Variants in SNTG1 observed in about 807,000 individuals in gnomAD.
SNTG1 encodes syntrophin gamma 1.
SNTG1 carries 39 observed loss-of-function variants against 74.7 expected under a neutral mutation model. That is an observed-to-expected ratio of 0.52 (90% CI 0.40 to 0.68). SNTG1 has a LOEUF of 0.68. SNTG1 is among the 30% of genes least tolerant of loss of function. The pLI, the probability that SNTG1 is intolerant of heterozygous loss-of-function variation, is 0.00. For synonymous variants in SNTG1, 254 were observed against 217.1 expected (o/e 1.17, Z -1.49); for missense variants, 685 against 609.5 (o/e 1.12, Z -1.30).
At chr8:49,916,502 A>G (rs1806051620) in intron 1 of SNTG1, among the ~76,000 whole-genome samples, 1 of 152,174 alleles carries the variant, frequency 6.6e-6, no homozygotes. Context: ...CATCATATGT[A>G]ATGTACATAC....
intron 17 of SNTG1, 167 bp downstream of exon 17, chr8:50,709,145 T>G: frequency 5.0e-6 from 3 of 594,882 alleles, no homozygotes; most frequent in Non-Finnish European, 8.9e-6. Flanking sequence ...GAAAAAAAGT[T>G]TGAATTTTTA....
chr8:50,437,523 G>T (rs918568955), intron 4 of SNTG1, among the ~76,000 whole-genome samples: 2 of 152,022 alleles, frequency 1.3e-5, no homozygotes, highest in Non-Finnish European at 2.9e-5. Context: ...CACAGTTTCC[G>T]CAGAACAAGA....
At chr8:50,421,017 C>G (rs1210344901) in intron 4 of SNTG1, among the ~76,000 whole-genome samples, 5 of 95,408 alleles carry the variant, frequency 5.2e-5, no homozygotes, top group Non-Finnish European at 9.8e-5. Flanking sequence ...GAGTGAGACT[C>G]CACTTAAAAA....
At chr8:50,265,317 T>G (rs2087408453) in intron 2 of SNTG1, among the ~76,000 whole-genome samples, 1 of 152,102 alleles carries the variant, frequency 6.6e-6, no homozygotes, top group South Asian at 2.1e-4. Flanking sequence ...AAAAGTTGGT[T>G]TAACATTTTA....
chr8:50,360,543 G>T (rs1004102279), intron 2 of SNTG1, among the ~76,000 whole-genome samples: 4 of 152,014 alleles, frequency 2.6e-5, no homozygotes, highest in African/African-American at 9.7e-5. Flanking sequence ...TGTCATTAGG[G>T]GATCTTGCTG....
intron 2 of SNTG1, among the ~76,000 whole-genome samples, chr8:50,308,014 T>C (rs190432105): frequency 2.0e-5 from 3 of 151,854 alleles, no homozygotes; most frequent in African/African-American, 4.8e-5. Flanking sequence ...TTGCTAGAGG[T>C]TTCTCTCAGC....
At chr8:49,965,889 C>A (rs1356178914) in intron 1 of SNTG1, among the ~76,000 whole-genome samples, 1 of 151,748 alleles carries the variant, frequency 6.6e-6, no homozygotes, top group Admixed American at 6.6e-5. Context: ...TTCATTTTAC[C>A]TTTTCTTTCA....
intron 1 of SNTG1, among the ~76,000 whole-genome samples, chr8:50,069,474 T>C (rs1821169951): frequency 6.6e-6 from 1 of 151,960 alleles, no homozygotes; most frequent in African/African-American, 2.4e-5. Context: ...ACAATAAAAA[T>C]TGGTGTTTAA....
chr8:50,214,894 C>T (rs1157608576), intron 2 of SNTG1, among the ~76,000 whole-genome samples: 1 of 152,142 alleles, frequency 6.6e-6, no homozygotes, highest in Non-Finnish European at 1.5e-5. Flanking sequence ...ATGCTAGAAG[C>T]AAGGGGAAAC....
At chr8:50,210,962 G>T (rs547350938) in intron 2 of SNTG1, among the ~76,000 whole-genome samples, 15 of 152,102 alleles carry the variant, frequency 9.9e-5, no homozygotes, top group Non-Finnish European at 2.1e-4. Flanking sequence ...TATTTGTAGT[G>T]CAAAATACCC....
At chr8:50,381,768 G>GTT (rs1380000935) in intron 2 of SNTG1, 3 of 120,102 alleles carry the variant, frequency 2.5e-5, no homozygotes, top group Middle Eastern at 4.6e-3. Context: ...TATCCTATTA[G>GTT]TTATATATAT....
At chr8:50,250,010 AC>A (rs1254679698) in intron 2 of SNTG1, among the ~76,000 whole-genome samples, 1 of 152,098 alleles carries the variant, frequency 6.6e-6, no homozygotes, top group Admixed American at 6.6e-5. Context: ...AAAAAGAATT[AC>A]TAATAATGAT....
chr8:49,934,890 A>T (rs1179117390), intron 1 of SNTG1, among the ~76,000 whole-genome samples: 1 of 152,090 alleles, frequency 6.6e-6, no homozygotes, highest in East Asian at 1.9e-4. Context: ...AGAAAAAAAA[A>T]TGCTGAAACA....
At chr8:50,170,797 T>G (rs1400462667) in intron 1 of SNTG1, among the ~76,000 whole-genome samples, 3 of 152,172 alleles carry the variant, frequency 2.0e-5, no homozygotes, top group Non-Finnish European at 2.9e-5. Flanking sequence ...TTTCTAGGAC[T>G]GAGGTCCCCA....
At chr8:50,348,844 A>G (rs2091562078) in intron 2 of SNTG1, among the ~76,000 whole-genome samples, 1 of 152,200 alleles carries the variant, frequency 6.6e-6, no homozygotes, top group Non-Finnish European at 1.5e-5. Context: ...TTATGGACAC[A>G]AGGTCTAGTT....
intron 17 of SNTG1, among the ~76,000 whole-genome samples, chr8:50,744,869 C>A (rs1395069669): frequency 6.6e-6 from 1 of 151,940 alleles, no homozygotes; most frequent in Non-Finnish European, 1.5e-5. Flanking sequence ...TAAAGTTAGA[C>A]CCTGGCCTTA....
chr8:50,318,975 A>T (rs917016409), intron 2 of SNTG1, among the ~76,000 whole-genome samples: 4 of 151,846 alleles, frequency 2.6e-5, no homozygotes, highest in African/African-American at 9.7e-5. Flanking sequence ...ATATTTATAT[A>T]TATATGTATG....
At chr8:50,137,136 C>T (rs866043569) in intron 1 of SNTG1, among the ~76,000 whole-genome samples, 13 of 152,202 alleles carry the variant, frequency 8.5e-5, no homozygotes, top group South Asian at 4.2e-4. Context: ...ATCTCATGTC[C>T]GGTGTTAACA....
chr8:50,079,182 A>G (rs1257404749), intron 1 of SNTG1, among the ~76,000 whole-genome samples: 1 of 152,228 alleles, frequency 6.6e-6, no homozygotes, highest in Non-Finnish European at 1.5e-5. Context: ...CCAACAATGT[A>G]AAAGCATTCC....
Sources: gnomAD v4.1 joint callset for allele counts (sites outside exome capture counted in the v4.1 genomes callset) on GRCh38, gnomAD v4.1.1 for gene constraint, MANE v1.5 for transcripts, NCBI Gene and HGNC (gene_info 2026-07-23, HGNC 2026-07-21) for gene names.